Variants in UNKL observed in about 807,000 individuals in gnomAD.
UNKL encodes the protein unk like zinc finger, also known as putative E3 ubiquitin-protein ligase UNKL.
Under a neutral mutation model 78.0 loss-of-function variants are expected in UNKL, and 60 were observed. The observed-to-expected ratio is 0.77, with a 90% CI of 0.63 to 0.95. The LOEUF (loss-of-function observed/expected upper bound fraction) is 0.95, where lower values mean the gene tolerates loss of function less well. Among genes scored for constraint, UNKL ranks in the 40% least tolerant of loss-of-function variants. UNKL has a pLI of 0.00. For missense variants in UNKL, 1,159 were observed against 1,045.7 expected (o/e 1.11, Z -1.49); for synonymous variants, 608 against 474.8 (o/e 1.28, Z -3.65).
intron 10 of UNKL, among the ~76,000 whole-genome samples, chr16:1,378,403 G>A (rs991678438): frequency 6.6e-6 from 1 of 152,138 alleles, no homozygotes; most frequent in African/African-American, 2.4e-5. Context: ...AGAGCTCACC[G>A]CCCCTCACAC....
In UNKL at chr16:1,368,120, CAGAG is replaced by C. The variant is rs1176513473; in HGVS notation, c.1586-266_1586-263del. Reference sequence around the variant, plus strand: ...TTCCTGGCCACCTGAGGAGTCTAAACAGAGAGGAATTAAATTCAAGTTCCTGGGA... The same window carrying C: ...TTCCTGGCCACCTGAGGAGTCTAAACAGGAATTAAATTCAAGTTCCTGGGA... On this transcript the variant is annotated intron_variant, in intron 12 of 14. Transcript: ENST00000389221. 325 of 532,224 alleles carry C rather than the reference CAGAG, an allele frequency of 6.1e-4. 2 individuals carry two copies. The East Asian group carries it at 0.01, about 17-fold the overall frequency. The allele number at this position is 532,224 out of a possible 1,614,324, so 33.0% of individuals were successfully genotyped here. A position where few individuals can be genotyped will look rare whatever the true frequency, so the allele number is the denominator to read the frequency against.
chr16:1,409,883 C>A (rs1449587422), intron 2 of UNKL, among the ~76,000 whole-genome samples: 1 of 152,006 alleles, frequency 6.6e-6, no homozygotes, highest in Admixed American at 6.6e-5. Context: ...GAGTTCAAGA[C>A]CAGCCTGGCC....
At chr16:1,380,973 C>T (rs1180074166) in intron 10 of UNKL, among the ~76,000 whole-genome samples, 1 of 152,090 alleles carries the variant, frequency 6.6e-6, no homozygotes, top group Non-Finnish European at 1.5e-5. Context: ...CTGCTCACGG[C>T]TCAGGAAATA....
At chr16:1,408,459 C>G (rs2037878588) in intron 2 of UNKL, 1 of 154,330 alleles carries the variant, frequency 6.5e-6, no homozygotes, top group South Asian at 1.9e-4. Flanking sequence ...GGGCAGCCAC[C>G]CACCTAGGAA....
In UNKL at chr16:1,366,510, T is replaced by TACAGAG. The variant is rs1567194429; in HGVS notation, c.2047-121_2047-116dup. ...CATCTCAGGCCGCCCGGCCACCAGC[T>TACAGAG]ACAGAGACAGGGTCAGGGAGACGCC... On this transcript the variant is annotated intron_variant, in intron 14 of 14. Coordinates refer to ENST00000389221, the MANE Select transcript of UNKL (RefSeq NM_001372107.1). 5 of 1,332,520 alleles carry TACAGAG rather than the reference T, an allele frequency of 3.8e-6. No individual in the cohort carries two copies. In the Admixed American group the frequency reaches 8.6e-5, roughly 23 times the overall value. 82.5% of individuals were successfully genotyped at this position (1,332,520 alleles called of 1,614,324 possible). A position where few individuals can be genotyped will look rare whatever the true frequency, so the allele number is the denominator to read the frequency against.
chr16:1,406,502 C>A, intron 2 of UNKL, among the ~76,000 whole-genome samples: 1 of 152,054 alleles, frequency 6.6e-6, no homozygotes, highest in Non-Finnish European at 1.5e-5. Flanking sequence ...CGTGAGCCAC[C>A]GCGCCCGGCC....
Position 1,370,121 on chromosome 16 carries a change from G to T in UNKL, c.1585+9C>A. ...CGGCAACGCCAGCATGGAGGGAGCCGGCACTCACCTAGGGGGCTGTAGGAT... is the reference window on the plus strand; with the variant it reads ...CGGCAACGCCAGCATGGAGGGAGCCTGCACTCACCTAGGGGGCTGTAGGAT... On this transcript the variant is annotated intron_variant, in intron 12 of 14. Coordinates refer to ENST00000389221, the MANE Select transcript of UNKL (RefSeq NM_001372107.1). 1 of 1,535,182 alleles carries T rather than the reference G, an allele frequency of 6.5e-7. No homozygotes were observed.
chr16:1,401,446 G>C, intron 4 of UNKL, 122 bp downstream of exon 4: 1 of 1,254,540 alleles, frequency 8.0e-7, no homozygotes, highest in Non-Finnish European at 1.0e-6. Flanking sequence ...CACGAGCCTC[G>C]GTTTCCCCAT....
chr16:1,383,288 A>AAC lies in UNKL; in HGVS notation c.1264+1919_1264+1920insGT, dbSNP rs1489930645. Among the ~76,000 whole-genome samples, 231 of 151,210 alleles carry AAC rather than the reference A, an allele frequency of 1.5e-3. 3 individuals carry two copies. The highest frequency in any genetic ancestry group is 4.8e-3 in the African/African-American group (199 of 41,142). Reference sequence around the variant, plus strand: ...ACTCCGTCTCAAAAAAAAAAAAAAAACAAAATCAAAACAAAACAAAACCCA... The same window carrying AAC: ...ACTCCGTCTCAAAAAAAAAAAAAAAAACCAAAATCAAAACAAAACAAAACCCA... On this transcript the variant is annotated intron_variant, in intron 10 of 14. Coordinates refer to ENST00000389221, the MANE Select transcript of UNKL (RefSeq NM_001372107.1).
At chr16:1,408,509 AG>A (rs1159571735) in intron 2 of UNKL, 1 of 155,396 alleles carries the variant, frequency 6.4e-6, no homozygotes, top group Non-Finnish European at 1.4e-5. Context: ...CAGGCACCGG[AG>A]GGGGTGCCCA....
intron 9 of UNKL, 150 bp from the exon 10 acceptor site, chr16:1,385,535 C>G: frequency 1.4e-6 from 1 of 737,600 alleles, no homozygotes; most frequent in Non-Finnish European, 1.9e-6. Flanking sequence ...CGGAGGGACT[C>G]TGACCGCACC....
chr16:1,394,487 G>C, intron 6 of UNKL: 1 of 627,696 alleles, frequency 1.6e-6, no homozygotes, highest in Non-Finnish European at 3.0e-6. Context: ...TTCCCCGCTT[G>C]ATATTTTCTG....
intron 2 of UNKL, chr16:1,412,098 A>G (rs1197364940): frequency 6.6e-6 from 1 of 151,814 alleles, no homozygotes; most frequent in Non-Finnish European, 1.5e-5. Context: ...GGAATGGACC[A>G]CCCTCCGCCC....
At chr16:1,396,593 T>TC (rs2037271746) in intron 6 of UNKL, among the ~76,000 whole-genome samples, 1 of 152,054 alleles carries the variant, frequency 6.6e-6, no homozygotes, top group Admixed American at 6.6e-5. Flanking sequence ...TATATTTTTT[T>TC]CTTTTTCTTT....
At chr16:1,367,937 GC>G in intron 12 of UNKL, 79 bp from the exon 13 acceptor site, 1 of 1,324,314 alleles carries the variant, frequency 7.6e-7, no homozygotes, top group African/African-American at 1.5e-5. Flanking sequence ...TATGCCCCAG[GC>G]CCCACCGCTA....
In UNKL at chr16:1,399,409, C is replaced by T. The variant is rs769159793; in HGVS notation, c.699G>A (p.Arg233=). The change falls in exon 5 of 15, where the codon CGG becomes CGA. Residue 233 remains arginine (R), a synonymous_variant. Transcript: ENST00000389221. This position sits in a 1 kb window ranked among gnomAD's most constrained non-coding sequence, Gnocchi z 5.8. ...ACCGCCGGGGGTTGCGCCGCCTGTCCCGGCTATTGTGGTAGTGTGGGCACG... is the reference window on the plus strand; with the variant it reads ...ACCGCCGGGGGTTGCGCCGCCTGTCTCGGCTATTGTGGTAGTGTGGGCACG... ...GYACPHYHNS[R]DRRRNPRRFQ... 22 of 1,604,196 alleles carry T rather than the reference C, an allele frequency of 1.4e-5. No homozygotes were observed. The East Asian group carries it at 4.0e-4, about 29-fold the overall frequency.
At chr16:1,410,347 C>A (rs2037982682) in intron 2 of UNKL, among the ~76,000 whole-genome samples, 1 of 151,806 alleles carries the variant, frequency 6.6e-6, no homozygotes, top group South Asian at 2.1e-4. Context: ...GTGGCCCATG[C>A]CTGTAATCCC....
At chr16:1,380,932 C>A (rs985386353) in intron 10 of UNKL, among the ~76,000 whole-genome samples, 10 of 152,134 alleles carry the variant, frequency 6.6e-5, no homozygotes, top group African/African-American at 1.7e-4. Context: ...GCCCTGGCCT[C>A]CCAAAGTGCT....
In UNKL at chr16:1,414,637, T is replaced by C; in HGVS notation, c.55A>G (p.Thr19Ala). The C allele has an allele frequency of 1.1e-5, 12 of 1,123,654 alleles. No individual in the cohort carries two copies. Among genetic ancestry groups the C allele is most frequent in the Non-Finnish European group, 1.3e-5 (12 of 909,808 alleles). The allele number at this position is 1,123,654 out of a possible 1,614,324, so 69.6% of individuals were successfully genotyped here. The change falls in exon 1 of 15, where the codon ACT becomes GCT. Residue 19 changes from threonine (T) to alanine (A), a missense_variant. Coordinates refer to ENST00000389221, the MANE Select transcript of UNKL (RefSeq NM_001372107.1). The part of the protein sequence containing the change: ...AAALSGSPPQ[T>A]EKPTHYRYLK... ...GACCTGTAGTGGGTCGGCTTCTCAG[T>C]CTGCGGGGGGGACCCGCTCAGCGCC...
Sources: gnomAD v4.1 joint callset for allele counts (sites outside exome capture counted in the v4.1 genomes callset) on GRCh38, gnomAD v4.1.1 for gene constraint, Gnocchi (gnomAD v3.1) non-coding constraint, MANE v1.5 for transcripts, NCBI Gene and HGNC (gene_info 2026-07-23, HGNC 2026-07-21) for gene names.